GSE1: variants seen among roughly 807,000 people sequenced by gnomAD.
The protein encoded by GSE1 is genetic suppressor element 1.
Under a neutral mutation model 112.6 loss-of-function variants are expected in GSE1, and 32 were observed. The ratio of observed to expected loss-of-function variants is 0.28; its 90% CI spans 0.21 to 0.38. The LOEUF (loss-of-function observed/expected upper bound fraction) is 0.38, where lower values mean the gene tolerates loss of function less well. Ranked by LOEUF, GSE1 falls within the 10% of genes least tolerant of loss-of-function variation. The pLI is 1.00. For missense variants in GSE1, 2,348 were observed against 1,699.2 expected, an observed-to-expected ratio of 1.38 and a Z score of -6.71; for synonymous variants, 1,115 against 735.6, an observed-to-expected ratio of 1.52 and a Z score of -8.35.
intron 2 of GSE1, among the ~76,000 whole-genome samples, chr16:85,520,536 C>T (rs1284911692): frequency 6.6e-6 from 1 of 151,868 alleles, no homozygotes; most frequent in African/African-American, 2.4e-5. Flanking sequence ...ATTCTCCTGC[C>T]TCAGCCTCCC....
At chr16:85,245,605 C>A (rs1283419362) in intron 1 of GSE1, among the ~76,000 whole-genome samples, 2 of 152,168 alleles carry the variant, frequency 1.3e-5, no homozygotes, top group African/African-American at 4.8e-5. Context: ...ATGCCCTAAT[C>A]TTGTTGAAAA....
intron 2 of GSE1, among the ~76,000 whole-genome samples, chr16:85,432,533 T>A (rs2151762831): frequency 6.6e-6 from 1 of 152,368 alleles, no homozygotes; most frequent in Middle Eastern, 3.4e-3. Flanking sequence ...TTTGCTTGCG[T>A]GTTCTCTTCA....
In GSE1 at chr16:85,331,487, A is replaced by G. The variant is rs529763447; in HGVS notation, c.2284-25976A>G. ...TGTGTATATATGTATATATGTGTAT[A>G]TATGTGTATATGTGTATATATGTAT... On this transcript the variant is annotated intron_variant, in intron 1 of 2. Coordinates refer to the GSE1 transcript ENST00000637419. 1.4e-4 allele frequency among the ~76,000 whole-genome samples: 17 copies of G among 125,882 alleles called. No individual in the cohort carries two copies. The East Asian group carries it at 4.2e-3, about 31-fold the overall frequency. The allele number at this position is 125,882 out of a possible 152,430, so 82.6% of individuals were successfully genotyped here. A position where few individuals can be genotyped will look rare whatever the true frequency, so the allele number is the denominator to read the frequency against.
intron 1 of GSE1, among the ~76,000 whole-genome samples, chr16:85,246,298 CCA>C (rs1905711768): frequency 2.4e-5 from 3 of 126,518 alleles, no homozygotes; most frequent in Non-Finnish European, 3.3e-5. Flanking sequence ...TACACACACC[CCA>C]CACGCTGTCT....
chr16:85,641,098 C>A (rs1014439484), intron 2 of GSE1, among the ~76,000 whole-genome samples: 20 of 152,250 alleles, frequency 1.3e-4, no homozygotes, highest in African/African-American at 4.8e-4. Flanking sequence ...CCTCCCCTAG[C>A]CACGTGGACA....
At chr16:85,345,018 G>A (rs1010735059) in intron 1 of GSE1, among the ~76,000 whole-genome samples, 1 of 152,296 alleles carries the variant, frequency 6.6e-6, no homozygotes, top group African/African-American at 2.4e-5. Context: ...CCTCCCTGAC[G>A]GGTTTTGCCT....
At chr16:85,563,317 C>G (rs1004152670) in intron 1 of GSE1, among the ~76,000 whole-genome samples, 3 of 151,832 alleles carry the variant, frequency 2.0e-5, no homozygotes, top group Non-Finnish European at 2.9e-5. Flanking sequence ...ATATTTAGTG[C>G]TGTGAAAGCT....
At chr16:85,188,410 C>T (rs4238716) in intron 1 of GSE1, among the ~76,000 whole-genome samples, 38,043 of 152,110 alleles carry the variant, frequency 0.25, 5,189 homozygotes, top group Non-Finnish European at 0.31. Flanking sequence ...TCTGTTCCTC[C>T]GTTCTCACTG....
rs568128581 is a variant in GSE1 at position 85,264,877 on chromosome 16, G to A, written c.2284-92586G>A. On this transcript the variant is annotated intron_variant, in intron 1 of 2. Coordinates refer to the GSE1 transcript ENST00000637419. The stretch of plus-strand genomic sequence containing the variant: ...CGCATTTGGAGATCAGACGCCCTGG[G>A]TCCTTACAGGGGTTCCCCTACTTCC... Among the ~76,000 whole-genome samples, 3 of 152,304 alleles carry A rather than the reference G, an allele frequency of 2.0e-5. No individual in the cohort carries two copies. The South Asian group carries it at 6.2e-4, about 32-fold the overall frequency.
At chr16:85,620,941 ATG>A (rs1297769866) in intron 1 of GSE1, among the ~76,000 whole-genome samples, 1 of 107,054 alleles carries the variant, frequency 9.3e-6, no homozygotes, top group East Asian at 2.8e-4. Flanking sequence ...GGTCTCGGCC[ATG>A]GGTGTCTGCT....
chr16:85,524,659 G>C (rs1379524444), intron 2 of GSE1, among the ~76,000 whole-genome samples: 1 of 152,156 alleles, frequency 6.6e-6, no homozygotes, highest in African/African-American at 2.4e-5. Flanking sequence ...ACACTGTCCT[G>C]ACCTGTTTGC....
At chr16:85,554,774 G>T (rs1362543340), upstream of GSE1, 23 of 630,718 alleles carry the variant, frequency 3.6e-5, no homozygotes, top group African/African-American at 7.9e-5. Context: ...GCTGTCAGTC[G>T]TGGGGGGGGA....
chr16:85,366,173 G>A (rs1249193152), intron 2 of GSE1, among the ~76,000 whole-genome samples: 1 of 152,274 alleles, frequency 6.6e-6, no homozygotes, highest in East Asian at 1.9e-4. Flanking sequence ...TCCTTGGTAA[G>A]CCTTGCCTGT....
rs545636829 is a variant in GSE1, at chr16:85,648,345, G to A, written c.227-207G>A. ...TGGGGCAAAGGGATAGGGAGTGCCC[G>A]GGGTAGACTGAGCTGCTGACCCGAT... On this transcript the variant is annotated intron_variant, in intron 2 of 15. Transcript: ENST00000253458. Among the ~76,000 whole-genome samples, 212 of 152,172 alleles carry A rather than the reference G, an allele frequency of 1.4e-3. 1 individual carries two copies. Among genetic ancestry groups the A allele is most frequent in the Non-Finnish European group, 2.4e-3 (161 of 67,990 alleles).
chr16:85,194,286 T>C (rs549341053), intron 1 of GSE1, among the ~76,000 whole-genome samples: 19 of 152,320 alleles, frequency 1.2e-4, no homozygotes, highest in African/African-American at 4.6e-4. Flanking sequence ...AGTCCTGGGA[T>C]GCTGGTTCTT....
chr16:85,634,732 T>C (rs1411362423), intron 2 of GSE1, among the ~76,000 whole-genome samples: 1 of 152,174 alleles, frequency 6.6e-6, no homozygotes, highest in African/African-American at 2.4e-5. Context: ...CCTGGGCACG[T>C]TGCTGATCCT....
At chr16:85,263,507 G>A (rs1907924135) in intron 1 of GSE1, among the ~76,000 whole-genome samples, 2 of 152,004 alleles carry the variant, frequency 1.3e-5, no homozygotes, top group Non-Finnish European at 2.9e-5. Context: ...TTGCATTAAA[G>A]CTTGAATTTC....
rs1340523367 is a variant in GSE1, at chr16:85,410,458, AG to A, written c.2464+52818del. 1.1e-3 allele frequency among the ~76,000 whole-genome samples: 12 copies of A among 11,054 alleles called. 1 individual carries two copies. Among genetic ancestry groups the A allele is most frequent in the African/African-American group, 1.4e-3 (4 of 2,808 alleles). 7.3% of individuals were successfully genotyped at this position (11,054 alleles called of 152,430 possible). ...CTGGATAATCCTCACTGTTACACTC[AG>A]GGCCCCCCTGGATAATGCTCACTGT... is the stretch of plus-strand genomic sequence containing the variant. On this transcript the variant is annotated intron_variant, in intron 2 of 2. Coordinates refer to the GSE1 transcript ENST00000637419.
At chr16:85,179,475 G>A (rs1047655649) in intron 1 of GSE1, among the ~76,000 whole-genome samples, 1 of 152,182 alleles carries the variant, frequency 6.6e-6, no homozygotes, top group African/African-American at 2.4e-5. Flanking sequence ...ATGGGCAAGT[G>A]TTCACAGATG....
Sources: gnomAD v4.1 joint callset for allele counts (sites outside exome capture counted in the v4.1 genomes callset) on GRCh38, gnomAD v4.1.1 for gene constraint, MANE v1.5 for transcripts, NCBI Gene and HGNC (gene_info 2026-07-23, HGNC 2026-07-21) for gene names.